The following CRYBA1 variants were observed in gnomAD, a reference collection of about 807,000 sequenced individuals.
CRYBA1 encodes the protein crystallin beta A1, also known as beta-crystallin A3.
A neutral mutation model predicts 36.2 loss-of-function variants in CRYBA1; 25 were observed. That is an observed-to-expected ratio of 0.69 (90% confidence interval 0.50 to 0.97). The LOEUF (loss-of-function observed/expected upper bound fraction) is 0.97. CRYBA1 is among the 50% of genes least tolerant of loss of function. The probability of loss-of-function intolerance (pLI) is 0.00; values close to 1 mark genes in which losing one functional copy is unlikely to be tolerated. For synonymous variants in CRYBA1, 111 were observed against 90.0 expected (o/e 1.23, Z -1.32); for missense variants, 224 against 276.3 (o/e 0.81, Z 1.34).
chr17:29,251,974 A>C (rs920493962), intron 3 of CRYBA1, 90 bp from the exon 4 acceptor site: 2 of 1,539,220 alleles, frequency 1.3e-6, no homozygotes, highest in Non-Finnish European at 1.8e-6. Flanking sequence ...ATTTTACCCC[A>C]CTATTGACTT....
intron 3 of CRYBA1, 64 bp from the exon 4 acceptor site, chr17:29,252,000 T>C: frequency 6.2e-7 from 1 of 1,609,422 alleles, no homozygotes; most frequent in Non-Finnish European, 8.5e-7. Flanking sequence ...AAACGAAAGA[T>C]GCCTTCTCCC....
chr17:29,249,900 T>A (rs897997571), intron 2 of CRYBA1, among the ~76,000 whole-genome samples: 2 of 152,210 alleles, frequency 1.3e-5, no homozygotes, highest in Non-Finnish European at 2.9e-5. Context: ...AGCCCATAAG[T>A]CCTTGGCCTG....
intron 4 of CRYBA1, among the ~76,000 whole-genome samples, chr17:29,253,070 TAACC>T (rs2068945940): frequency 6.6e-6 from 1 of 152,250 alleles, no homozygotes; most frequent in South Asian, 2.1e-4. Context: ...TAGATCCATG[TAACC>T]AACACCCTAA....
chr17:29,250,095 C>G (rs2068926120), intron 2 of CRYBA1, 87 bp from the exon 3 acceptor site: 3 of 816,292 alleles, frequency 3.7e-6, no homozygotes, highest in Admixed American at 1.7e-5. Flanking sequence ...ACAGAAAGCA[C>G]AGAGTCAGAC....
At chr17:29,251,120 C>T (rs1246478249) in intron 3 of CRYBA1, among the ~76,000 whole-genome samples, 3 of 152,156 alleles carry the variant, frequency 2.0e-5, no homozygotes, top group South Asian at 2.1e-4. Context: ...AGAAAGAACT[C>T]GCAAGTCACA....
In CRYBA1 at chr17:29,252,168, T is replaced by C. The variant is rs150881034; in HGVS notation, c.320T>C (p.Ile107Thr). 29 of 1,614,160 alleles carry C rather than the reference T, an allele frequency of 1.8e-5. No individual in the cohort carries two copies. The highest frequency in any genetic ancestry group is 1.5e-4 in the African/African-American group (11 of 75,024). Residue 107 changes from isoleucine to threonine, a missense_variant, in exon 4 of 6, where the codon ATT (isoleucine) becomes ACT (threonine). Coordinates refer to ENST00000225387, the MANE Select transcript of CRYBA1 (RefSeq NM_005208.5). ...TGGAGTGGGAGTAATGCCTACCACA[T>C]TGAGCGTCTCATGTCCTTCCGCCCC... ...DAWSGSNAYH[I>T]ERLMSFRPIC...
chr17:29,254,136 A>T, intron 5 of CRYBA1, 66 bp from the exon 6 acceptor site: 1 of 1,557,244 alleles, frequency 6.4e-7, no homozygotes, highest in Non-Finnish European at 8.8e-7. Context: ...AAAGAGGCTC[A>T]GGTTTTGGGG....
chr17:29,251,270 GA>G (rs1386751383), intron 3 of CRYBA1, among the ~76,000 whole-genome samples: 2 of 152,124 alleles, frequency 1.3e-5, no homozygotes, highest in African/African-American at 4.8e-5. Context: ...CACACTGAAA[GA>G]ATTGTCTTGG....
Position 29,253,876 on chromosome 17 carries a change from T to C in CRYBA1, c.500+94T>C, listed in dbSNP as rs1204523928. ...TAATCAGATTTCATACGTATCGGTA[T>C]AGATGTCACATTCTAGTTCTACATA... On this transcript the variant is annotated intron_variant, in intron 5 of 5. Coordinates refer to ENST00000225387, the MANE Select transcript of CRYBA1 (RefSeq NM_005208.5). 6 of 1,421,898 alleles carry C rather than the reference T, an allele frequency of 4.2e-6. No homozygotes were observed. The African/African-American group carries it at 7.1e-5, about 17-fold the overall frequency. The allele number at this position is 1,421,898 out of a possible 1,614,324, so 88.1% of individuals were successfully genotyped here. A position where few individuals can be genotyped will look rare whatever the true frequency, so the allele number is the denominator to read the frequency against.
chr17:29,254,460 G>A lies in CRYBA1; in HGVS notation c.*111G>A. On this transcript the variant is annotated 3_prime_UTR_variant, in exon 6 of 6. Transcript: ENST00000225387. ...ACATTGCTTTCAAATGTTAGCTGCT[G>A]AAATCCACAATAAACGTCATTTAAA... 8.6e-7 allele frequency: 1 copy of A among 1,161,104 alleles called. No homozygotes were observed. Among genetic ancestry groups the A allele is most frequent in the South Asian group, 1.3e-5 (1 of 77,652 alleles). The allele number at this position is 1,161,104 out of a possible 1,614,324, so 71.9% of individuals were successfully genotyped here. A position where few individuals can be genotyped will look rare whatever the true frequency, so the allele number is the denominator to read the frequency against.
intron 4 of CRYBA1, among the ~76,000 whole-genome samples, chr17:29,252,654 T>C (rs140040836): frequency 2.6e-5 from 4 of 152,168 alleles, no homozygotes; most frequent in Non-Finnish European, 5.9e-5. Flanking sequence ...GATAATAATC[T>C]TCTTGTTCTG....
chr17:29,253,635 TA>T lies in CRYBA1; in HGVS notation c.358-4del. ...AAACATTTTAAAACAATTTCTGAAT[TA>T]CAGAATCATAAGGAGTCTAAGATGA... is the stretch of plus-strand genomic sequence containing the variant. On this transcript the variant is annotated splice_polypyrimidine_tract_variant and splice_region_variant and intron_variant, in intron 4 of 5. Transcript: ENST00000225387. The T allele has an allele frequency of 6.2e-7, 1 of 1,610,096 alleles. No homozygotes were observed. Among genetic ancestry groups the T allele is most frequent in the Non-Finnish European group, 8.5e-7 (1 of 1,176,386 alleles).
intron 1 of CRYBA1, among the ~76,000 whole-genome samples, chr17:29,247,557 CT>C (rs1319549406): frequency 2.0e-5 from 3 of 152,236 alleles, no homozygotes; most frequent in Non-Finnish European, 2.9e-5. Context: ...TAACTCTTTT[CT>C]TCTTCACTTT....
At chr17:29,247,115 A>T (rs1450243770) in intron 1 of CRYBA1, among the ~76,000 whole-genome samples, 1 of 152,258 alleles carries the variant, frequency 6.6e-6, no homozygotes, top group Admixed American at 6.5e-5. Context: ...GGGGATGGGC[A>T]TGGGCCCCCA....
chr17:29,249,203 GAAGGTAAGCCC>G lies in CRYBA1; in HGVS notation c.95_96+9del. 6.2e-7 allele frequency: 1 copy of G among 1,608,512 alleles called. No homozygotes were observed. The highest frequency in any genetic ancestry group is 8.5e-7 in the Non-Finnish European group (1 of 1,174,942). The stretch of plus-strand genomic sequence containing the variant: ...CTACGCCGGGGTCCCTGGGGCCATG[GAAGGTAAGCCC>G]ACCCCCATCACATCCAACAGGGCAG... On this transcript the variant is annotated splice_donor_variant and splice_donor_5th_base_variant and coding_sequence_variant and intron_variant, in exon 2 of 6. Coordinates refer to ENST00000225387, the MANE Select transcript of CRYBA1 (RefSeq NM_005208.5). LOFTEE classifies it high-confidence loss of function.
chr17:29,251,932 A>G (rs1598425412), intron 3 of CRYBA1, 132 bp from the exon 4 acceptor site: 2 of 1,136,974 alleles, frequency 1.8e-6, no homozygotes, highest in East Asian at 4.7e-5. Context: ...GTGACAAATT[A>G]CTTTGTACAG....
chr17:29,253,864 T>C lies in CRYBA1; in HGVS notation c.500+82T>C, dbSNP rs527536638. On this transcript the variant is annotated intron_variant, in intron 5 of 5. Transcript: ENST00000225387. ...ATAGTTATGTTTTAATCAGATTTCA[T>C]ACGTATCGGTATAGATGTCACATTC... 4.7e-6 allele frequency: 7 copies of C among 1,490,870 alleles called. No individual in the cohort carries two copies. In the East Asian group the frequency reaches 1.4e-4, roughly 30 times the overall value. 92.4% of individuals were successfully genotyped at this position (1,490,870 alleles called of 1,614,324 possible). A position where few individuals can be genotyped will look rare whatever the true frequency, so the allele number is the denominator to read the frequency against.
Position 29,254,482 on chromosome 17 carries a change from T to TAA in CRYBA1, c.*144_*145dup, listed in dbSNP as rs371972959. On this transcript the variant is annotated 3_prime_UTR_variant, in exon 6 of 6. Transcript: ENST00000225387. ...GCTGAAATCCACAATAAACGTCATT[T>TAA]AAAAAAAAAAAACTTTGTAGACTGA... 887 of 719,376 alleles carry TAA rather than the reference T, an allele frequency of 1.2e-3. No individual in the cohort carries two copies. The highest frequency in any genetic ancestry group is 5.7e-3 in the South Asian group (313 of 54,440). The allele number at this position is 719,376 out of a possible 1,614,324, so 44.6% of individuals were successfully genotyped here.
intron 4 of CRYBA1, among the ~76,000 whole-genome samples, chr17:29,252,874 T>C (rs1441890819): frequency 1.3e-5 from 2 of 152,236 alleles, no homozygotes; most frequent in Non-Finnish European, 2.9e-5. Context: ...TTCAAAGTCT[T>C]GCCAAAATTC....
Sources: gnomAD v4.1 joint callset for allele counts (sites outside exome capture counted in the v4.1 genomes callset) on GRCh38, gnomAD v4.1.1 for gene constraint, MANE v1.5 for transcripts, NCBI Gene and HGNC (gene_info 2026-07-23, HGNC 2026-07-21) for gene names.